LIN7A: variants seen among roughly 807,000 people sequenced by gnomAD.
The protein encoded by LIN7A is protein lin-7 homolog A.
LIN7A carries 25 observed loss-of-function variants against 29.8 expected under a neutral mutation model. The ratio of observed to expected loss-of-function variants is 0.84; its 90% CI spans 0.61 to 1.17. LIN7A has a LOEUF of 1.17. Ranked by LOEUF, LIN7A falls within the 50% of genes most tolerant of loss-of-function variation. LIN7A has a pLI of 0.00. For missense variants in LIN7A, 239 were observed against 287.0 expected, an observed-to-expected ratio of 0.83 and a Z score of 1.21; for synonymous variants, 118 against 107.5, an observed-to-expected ratio of 1.10 and a Z score of -0.60.
At chr12:80,933,141 T>C (rs1878006737) in intron 1 of LIN7A, among the ~76,000 whole-genome samples, 1 of 152,224 alleles carries the variant, frequency 6.6e-6, no homozygotes. Context: ...CATAGTGACA[T>C]GTAAATTACA....
chr12:80,884,735 T>C (rs1875240072), intron 2 of LIN7A, among the ~76,000 whole-genome samples: 2 of 152,198 alleles, frequency 1.3e-5, no homozygotes, highest in Admixed American at 1.3e-4. Flanking sequence ...TGATTTATTT[T>C]CTTATTCTAT....
At chr12:80,885,332 T>C in intron 2 of LIN7A, among the ~76,000 whole-genome samples, 1 of 152,152 alleles carries the variant, frequency 6.6e-6, no homozygotes, top group East Asian at 1.9e-4. Context: ...AGGGAAATGA[T>C]CTTTACTGAG....
intron 1 of LIN7A, among the ~76,000 whole-genome samples, chr12:80,922,239 C>T (rs926918305): frequency 8.5e-5 from 13 of 152,064 alleles, no homozygotes; most frequent in Non-Finnish European, 4.4e-5. Flanking sequence ...GTATTAAAAC[C>T]TCAAGGCATG....
intron 1 of LIN7A, among the ~76,000 whole-genome samples, chr12:80,910,207 A>G (rs1175004891): frequency 6.6e-6 from 1 of 152,184 alleles, no homozygotes; most frequent in Non-Finnish European, 1.5e-5. Context: ...CAGAAATACA[A>G]CTGATATTTT....
intron 1 of LIN7A, chr12:80,936,894 G>A (rs1433328305): frequency 6.6e-6 from 1 of 152,224 alleles, no homozygotes; most frequent in African/African-American, 2.4e-5. Context: ...AGCTGGGAGA[G>A]GACACGAGAG....
chr12:80,910,598 A>G (rs1275595241), intron 1 of LIN7A, among the ~76,000 whole-genome samples: 2 of 152,154 alleles, frequency 1.3e-5, no homozygotes, highest in African/African-American at 4.8e-5. Context: ...ATAGATATGG[A>G]ATTATTCAAA....
At chr12:80,821,071 C>T (rs1871784291) in intron 4 of LIN7A, among the ~76,000 whole-genome samples, 1 of 152,198 alleles carries the variant, frequency 6.6e-6, no homozygotes, top group South Asian at 2.1e-4. Flanking sequence ...CATACTCACC[C>T]CATTACAGTT....
chr12:80,866,655 G>T (rs987647886), intron 2 of LIN7A, among the ~76,000 whole-genome samples: 2 of 152,154 alleles, frequency 1.3e-5, no homozygotes, highest in Non-Finnish European at 2.9e-5. Flanking sequence ...TGGGCATTGA[G>T]ACTTTCAAAA....
chr12:80,841,934 C>T (rs749395706), intron 4 of LIN7A: 69 of 1,064,046 alleles, frequency 6.5e-5, no homozygotes, highest in Non-Finnish European at 7.2e-5. Context: ...TAAGGTTTCA[C>T]TGAGGATTGA....
chr12:80,934,792 C>T (rs1159225184), intron 1 of LIN7A, among the ~76,000 whole-genome samples: 4 of 152,318 alleles, frequency 2.6e-5, no homozygotes, highest in Non-Finnish European at 5.9e-5. Flanking sequence ...GAACTAGCAG[C>T]TCTAAAATTG....
At chr12:80,923,590 T>C (rs551675458) in intron 1 of LIN7A, among the ~76,000 whole-genome samples, 75 of 152,362 alleles carry the variant, frequency 4.9e-4, no homozygotes, top group African/African-American at 1.8e-3. Context: ...TGTAAGTTCC[T>C]TTTGTAAGCA....
chr12:80,893,486 C>T (rs566036496), intron 1 of LIN7A, among the ~76,000 whole-genome samples: 9 of 152,174 alleles, frequency 5.9e-5, no homozygotes, highest in Non-Finnish European at 1.2e-4. Context: ...AAACCAGACA[C>T]GTCTCCATTA....
chr12:80,861,587 A>G (rs1188232412), intron 2 of LIN7A: 1 of 152,276 alleles, frequency 6.6e-6, no homozygotes, highest in Non-Finnish European at 1.5e-5. Flanking sequence ...TGAGAAGCAG[A>G]TACACCCTGA....
At chr12:80,840,296 C>A (rs1225539952) in intron 4 of LIN7A, among the ~76,000 whole-genome samples, 3 of 152,220 alleles carry the variant, frequency 2.0e-5, no homozygotes, top group African/African-American at 7.2e-5. Context: ...ATTCAGAGAG[C>A]TTACTCAGAT....
chr12:80,914,245 G>C (rs943352846), intron 1 of LIN7A, among the ~76,000 whole-genome samples: 3 of 152,042 alleles, frequency 2.0e-5, no homozygotes, highest in Non-Finnish European at 1.5e-5. Context: ...GAGTTTCGTC[G>C]TCTGCATATT....
chr12:80,870,225 T>C (rs1874359296), intron 2 of LIN7A, among the ~76,000 whole-genome samples: 1 of 152,070 alleles, frequency 6.6e-6, no homozygotes, highest in African/African-American at 2.4e-5. Context: ...ATGCATATTA[T>C]AAAAAGCTGG....
chr12:80,928,145 G>A (rs1565932882), intron 1 of LIN7A, among the ~76,000 whole-genome samples: 3 of 152,202 alleles, frequency 2.0e-5, no homozygotes, highest in South Asian at 4.2e-4. Flanking sequence ...CTTTGCTGTT[G>A]TGAATAGTGC....
At chr12:80,884,593 A>G (rs539880754) in intron 2 of LIN7A, among the ~76,000 whole-genome samples, 34 of 152,262 alleles carry the variant, frequency 2.2e-4, no homozygotes, top group Non-Finnish European at 3.5e-4. Context: ...TGATTGGCTA[A>G]AGCAGTTATC....
intron 5 of LIN7A, among the ~76,000 whole-genome samples, chr12:80,810,393 CTGTGTG>C (rs71094992): frequency 0.1 from 14,746 of 146,816 alleles, 772 homozygotes; most frequent in South Asian, 0.18. Flanking sequence ...TGGTATACAT[CTGTGTG>C]TGTGTGTGTG....
Sources: gnomAD v4.1 joint callset for allele counts (sites outside exome capture counted in the v4.1 genomes callset) on GRCh38, gnomAD v4.1.1 for gene constraint, MANE v1.5 for transcripts, NCBI Gene and HGNC (gene_info 2026-07-23, HGNC 2026-07-21) for gene names.